Variants in ZDHHC15 observed in about 807,000 individuals in gnomAD.
The protein encoded by ZDHHC15 is zDHHC palmitoyltransferase 15.
In ZDHHC15, 19 loss-of-function variants were observed where a neutral mutation model predicts 31.7. That is an observed-to-expected ratio of 0.60 (90% confidence interval 0.42 to 0.88). The LOEUF is 0.88. ZDHHC15 is among the 40% of genes least tolerant of loss of function. ZDHHC15 has a pLI of 0.00. For missense variants in ZDHHC15, 209 were observed against 251.2 expected (o/e 0.83, Z 1.14); for synonymous variants, 103 against 90.0 (o/e 1.14, Z -0.82).
intron 3 of ZDHHC15, among the ~76,000 whole-genome samples, chrX:75,457,645 T>TCACACACA (rs35992807): frequency 0.011 from 1,049 of 93,909 alleles, 13 homozygotes; most frequent in African/African-American, 0.036. Context: ...TTATTTACAC[T>TCACACACA]CACACACACA....
chrX:75,423,520 A>T (rs1436006659), intron 8 of ZDHHC15, among the ~76,000 whole-genome samples: 1 of 104,355 alleles, frequency 9.6e-6, no homozygotes, highest in Admixed American at 1.1e-4. Context: ...TGCAAAGGAC[A>T]GGATCTCGTT....
At chrX:75,468,577 T>A (rs1216279630) in intron 3 of ZDHHC15, among the ~76,000 whole-genome samples, 1 of 111,869 alleles carries the variant, frequency 8.9e-6, no homozygotes, top group Non-Finnish European at 1.9e-5. Context: ...ATTTTGGGTA[T>A]GTATCTAGGA....
intron 4 of ZDHHC15, among the ~76,000 whole-genome samples, chrX:75,444,693 C>T (rs1358436167): frequency 7.8e-5 from 7 of 89,684 alleles, no homozygotes; most frequent in African/African-American, 3.2e-4. Context: ...TATATACACA[C>T]ACACACACAC....
At chrX:75,491,274 C>T (rs1301154148) in intron 2 of ZDHHC15, among the ~76,000 whole-genome samples, 2 of 110,247 alleles carry the variant, frequency 1.8e-5, no homozygotes, top group Admixed American at 9.7e-5. Context: ...GGCACATATA[C>T]ACCATGGAAT....
chrX:75,436,177 G>T (rs913685652), intron 4 of ZDHHC15, among the ~76,000 whole-genome samples: 2 of 111,186 alleles, frequency 1.8e-5, no homozygotes, highest in Non-Finnish European at 3.8e-5. Flanking sequence ...TTCTGTTATC[G>T]GCTGTAATAT....
At chrX:75,510,643 G>A (rs2085252625) in intron 1 of ZDHHC15, among the ~76,000 whole-genome samples, 1 of 89,050 alleles carries the variant, frequency 1.1e-5, no homozygotes, top group Non-Finnish European at 2.2e-5. Context: ...AGTTACATAT[G>A]TATACATGTG....
chrX:75,455,081 C>T (rs1182532505), intron 3 of ZDHHC15, among the ~76,000 whole-genome samples: 2 of 111,709 alleles, frequency 1.8e-5, no homozygotes, highest in African/African-American at 6.5e-5. Flanking sequence ...GCCAAAAGAA[C>T]AAAGCTGGAG....
chrX:75,390,291 C>T (rs868512644), intron 10 of ZDHHC15, among the ~76,000 whole-genome samples: 1 of 112,036 alleles, frequency 8.9e-6, no homozygotes, highest in Admixed American at 9.4e-5. Context: ...GGGGAATTCG[C>T]CACCCAGAAG....
At chrX:75,383,734 GGTT>G (rs1210220617) in intron 10 of ZDHHC15, among the ~76,000 whole-genome samples, 4 of 77,793 alleles carry the variant, frequency 5.1e-5, no homozygotes, top group Non-Finnish European at 9.6e-5. Flanking sequence ...AGAAATGTTA[GGTT>G]TTTTTTTTTT....
At chrX:75,496,230 T>C (rs771859491) in intron 2 of ZDHHC15, among the ~76,000 whole-genome samples, 1 of 111,261 alleles carries the variant, frequency 9.0e-6, no homozygotes, top group African/African-American at 3.3e-5. Context: ...AAACAGACTT[T>C]AAAGGAACAA....
At chrX:75,487,011 C>T (rs2084788940) in intron 2 of ZDHHC15, among the ~76,000 whole-genome samples, 1 of 111,661 alleles carries the variant, frequency 9.0e-6, no homozygotes, top group Non-Finnish European at 1.9e-5. Context: ...GGCAAGATTA[C>T]ATACCCTTCT....
At chrX:75,497,412 A>C (rs2085019015) in intron 2 of ZDHHC15, among the ~76,000 whole-genome samples, 1 of 111,922 alleles carries the variant, frequency 8.9e-6, no homozygotes, top group South Asian at 3.7e-4. Context: ...CATTCGAAGA[A>C]TAGGTACTCC....
chrX:75,438,453 T>A (rs1038209683), intron 4 of ZDHHC15, among the ~76,000 whole-genome samples: 1 of 24,833 alleles, frequency 4.0e-5, no homozygotes, highest in Admixed American at 9.3e-4. Flanking sequence ...TGCTTTAAAG[T>A]CTGTTTTTTT....
At chrX:75,464,532 T>A (rs1184956949) in intron 3 of ZDHHC15, among the ~76,000 whole-genome samples, 1 of 111,468 alleles carries the variant, frequency 9.0e-6, no homozygotes, top group African/African-American at 3.3e-5. Flanking sequence ...CAGGTCAATA[T>A]CCTTGATAAA....
At chrX:75,423,218 T>C (rs2083671062) in intron 8 of ZDHHC15, among the ~76,000 whole-genome samples, 1 of 107,961 alleles carries the variant, frequency 9.3e-6, no homozygotes, top group African/African-American at 3.4e-5. Flanking sequence ...AACTATTATT[T>C]TAGGTTCAGG....
intron 1 of ZDHHC15, among the ~76,000 whole-genome samples, chrX:75,518,802 TATATACACACACAC>T (rs1326787689): frequency 8.0e-4 from 19 of 23,661 alleles, no homozygotes; most frequent in Admixed American, 9.5e-4. Flanking sequence ...TATATATATA[TATATACACACACAC>T]ACACACACAC....
intron 10 of ZDHHC15, among the ~76,000 whole-genome samples, chrX:75,414,080 A>T (rs1435866813): frequency 8.9e-6 from 1 of 112,102 alleles, no homozygotes; most frequent in Non-Finnish European, 1.9e-5. Context: ...AAAAGTGGTA[A>T]TATAACAGAC....
intron 1 of ZDHHC15, among the ~76,000 whole-genome samples, chrX:75,506,111 T>G (rs10047013): frequency 0.09 from 10,053 of 111,442 alleles, 699 homozygotes; most frequent in African/African-American, 0.24. Context: ...TAATCAAGAT[T>G]ATTTTCAATG....
rs2083014628 is a variant in ZDHHC15, at chrX:75,372,565, C to T, written c.*413G>A. ...CAAGCAGCAAATGTAGTTTGATTCC[C>T]TTCAACACCAAAAAGGCCCTATATA... On this transcript the variant is annotated 3_prime_UTR_variant, in exon 12 of 12. Transcript: ENST00000373367. 9.0e-6 allele frequency: 1 copy of T among 111,350 alleles called. No individual in the cohort carries two copies. Among genetic ancestry groups the T allele is most frequent in the Non-Finnish European group, 1.9e-5 (1 of 52,996 alleles). 9.2% of individuals were successfully genotyped at this position (111,350 alleles called of 1,213,427 possible). A position where few individuals can be genotyped will look rare whatever the true frequency, so the allele number is the denominator to read the frequency against.
Sources: gnomAD v4.1 joint callset for allele counts (sites outside exome capture counted in the v4.1 genomes callset) on GRCh38, gnomAD v4.1.1 for gene constraint, MANE v1.5 for transcripts, NCBI Gene and HGNC (gene_info 2026-07-23, HGNC 2026-07-21) for gene names.